IFT140: variants seen among roughly 807,000 people sequenced by gnomAD.
The protein encoded by IFT140 is intraflagellar transport 140.
IFT140 carries 133 observed loss-of-function variants against 164.6 expected under a neutral mutation model. The observed-to-expected ratio is 0.81, with a 90% confidence interval of 0.70 to 0.93. The LOEUF is 0.93. Ranked by LOEUF, IFT140 falls within the 40% of genes least tolerant of loss-of-function variation. The pLI, the probability that IFT140 is intolerant of heterozygous loss-of-function variation, is 0.00. For missense variants in IFT140, 2,045 were observed against 1,972.3 expected, an observed-to-expected ratio of 1.04 and a Z score of -0.70; for synonymous variants, 860 against 817.3, an observed-to-expected ratio of 1.05 and a Z score of -0.89.
At chr16:1,602,715 G>A in intron 3 of IFT140, 124 bp from the exon 4 acceptor site, 2 of 838,878 alleles carry the variant, frequency 2.4e-6, no homozygotes, top group Non-Finnish European at 3.8e-6. Context: ...GCTGAGGTGG[G>A]TGGATCACAA....
At chr16:1,558,254 A>G in intron 18 of IFT140, 120 bp from the exon 19 acceptor site, 1 of 972,884 alleles carries the variant, frequency 1.0e-6, no homozygotes, top group Non-Finnish European at 1.6e-6. Flanking sequence ...AGACAGACAG[A>G]TATTTACCAA....
chr16:1,592,620 GGT>G, intron 4 of IFT140, 32 bp from the exon 5 acceptor site: 1 of 1,596,500 alleles, frequency 6.3e-7, no homozygotes, highest in Non-Finnish European at 8.5e-7. Context: ...TGTTAGGACA[GGT>G]GTCCCGGCAG....
At chr16:1,576,697 T>C (rs1310679257) in intron 13 of IFT140, 2 of 152,052 alleles carry the variant, frequency 1.3e-5, no homozygotes, top group African/African-American at 2.4e-5. Context: ...TTAACAGGTA[T>C]GTCGCGTATG....
chr16:1,584,197 C>A lies in IFT140; in HGVS notation c.1359+20G>T, dbSNP rs374488263. 2.5e-6 allele frequency: 4 copies of A among 1,606,418 alleles called. No individual in the cohort carries two copies. The highest frequency in any genetic ancestry group is 3.4e-6 in the Non-Finnish European group (4 of 1,176,254). Reference sequence around the variant, plus strand: ...AGTTCTTCTGTCTGTGTCCCACCCACGGGTCCCCTCGGCAGTCACCTTGGT... The same window carrying A: ...AGTTCTTCTGTCTGTGTCCCACCCAAGGGTCCCCTCGGCAGTCACCTTGGT... On this transcript the variant is annotated intron_variant, in intron 11 of 30. Coordinates refer to ENST00000426508, the MANE Select transcript of IFT140 (RefSeq NM_014714.4).
chr16:1,553,948 T>A lies in IFT140; in HGVS notation c.2399+3987A>T. 2.3e-6 allele frequency: 3 copies of A among 1,286,480 alleles called. No homozygotes were observed. Among genetic ancestry groups the A allele is most frequent in the Non-Finnish European group, 3.0e-6 (3 of 988,236 alleles). 79.7% of individuals were successfully genotyped at this position (1,286,480 alleles called of 1,614,324 possible). ...AGCTCCTCAAAGATAAAACTGTAAG[T>A]GAAACTGTAGCATCAGCGACTAACT... On this transcript the variant is annotated intron_variant, in intron 19 of 30. Coordinates refer to ENST00000426508, the MANE Select transcript of IFT140 (RefSeq NM_014714.4). This position sits in a 1 kb window ranked among gnomAD's most constrained non-coding sequence, Gnocchi z 4.4.
At chr16:1,524,277 G>A (rs1033055748) in intron 24 of IFT140, 5 of 606,154 alleles carry the variant, frequency 8.2e-6, no homozygotes, top group Non-Finnish European at 1.4e-5. Flanking sequence ...CCGTCTGCAA[G>A]GCCATAGGCC....
chr16:1,513,092 C>T (rs2040220369), intron 30 of IFT140: 1 of 152,214 alleles, frequency 6.6e-6, no homozygotes, highest in East Asian at 1.9e-4. Context: ...TCTAATAGGG[C>T]AACACAACTG....
chr16:1,601,878 C>T (rs2035811929), intron 4 of IFT140, among the ~76,000 whole-genome samples: 1 of 152,228 alleles, frequency 6.6e-6, no homozygotes, highest in African/African-American at 2.4e-5. Flanking sequence ...TGTAACATTT[C>T]TGCCATATAT....
intron 19 of IFT140, among the ~76,000 whole-genome samples, chr16:1,537,997 A>T (rs778662643): frequency 6.6e-6 from 1 of 152,218 alleles, no homozygotes; most frequent in Admixed American, 6.5e-5. Flanking sequence ...GACACCTTTA[A>T]AAGTCAGCTG....
chr16:1,513,955 G>A (rs1049353810), intron 30 of IFT140, among the ~76,000 whole-genome samples: 1 of 151,486 alleles, frequency 6.6e-6, no homozygotes, highest in Non-Finnish European at 1.5e-5. Context: ...TTACAGGCGT[G>A]AGCCACTGCA....
intron 20 of IFT140, 144 bp from the exon 21 acceptor site, chr16:1,526,221 C>T (rs571460450): frequency 2.6e-5 from 20 of 766,402 alleles, no homozygotes; most frequent in East Asian, 5.5e-5. Context: ...GCACAGCAAA[C>T]GCCACACACC....
At chr16:1,558,691 T>C (rs2033238966) in intron 18 of IFT140, among the ~76,000 whole-genome samples, 2 of 152,230 alleles carry the variant, frequency 1.3e-5, no homozygotes, top group Non-Finnish European at 2.9e-5. Flanking sequence ...TCTTTAATCA[T>C]GGGTCCCTTC....
chr16:1,520,959 C>G (rs936968304), intron 26 of IFT140, 151 bp from the exon 27 acceptor site: 1 of 625,594 alleles, frequency 1.6e-6, no homozygotes, highest in Admixed American at 2.9e-5. Flanking sequence ...ACAAGGATGT[C>G]TCCCCTGCCT....
intron 19 of IFT140, chr16:1,554,669 G>A: frequency 1.4e-6 from 2 of 1,456,078 alleles, no homozygotes; most frequent in Non-Finnish European, 1.9e-6. Flanking sequence ...CTAGGACAGA[G>A]GGCTGGGGAA....
chr16:1,552,572 C>G (rs569560157), intron 19 of IFT140, among the ~76,000 whole-genome samples: 1 of 151,976 alleles, frequency 6.6e-6, no homozygotes, highest in East Asian at 1.9e-4. Context: ...ACCACACAAT[C>G]GTGAGCAGAG....
At chr16:1,592,856 C>A (rs572153591) in intron 4 of IFT140, among the ~76,000 whole-genome samples, 2 of 137,982 alleles carry the variant, frequency 1.4e-5, no homozygotes, top group Admixed American at 7.4e-5. Context: ...GAGTCACTGG[C>A]GGAGGGACAG....
rs573510122 is a variant in IFT140, at chr16:1,583,635, A to G, written c.1360-249T>C. ...TTTCTTTTTTTTTTAGGTTTGGGGAATGGCAAAGAAAGTATCCCTCTCTTT... is the reference window on the plus strand; with the variant it reads ...TTTCTTTTTTTTTTAGGTTTGGGGAGTGGCAAAGAAAGTATCCCTCTCTTT... On this transcript the variant is annotated intron_variant, in intron 11 of 30. Coordinates refer to ENST00000426508, the MANE Select transcript of IFT140 (RefSeq NM_014714.4). 2.8e-4 allele frequency among the ~76,000 whole-genome samples: 42 copies of G among 151,244 alleles called. No homozygotes were observed. In the South Asian group the frequency reaches 6.7e-3, roughly 24 times the overall value.
intron 19 of IFT140, among the ~76,000 whole-genome samples, chr16:1,527,932 C>T (rs1189830440): frequency 6.6e-6 from 1 of 152,190 alleles, no homozygotes; most frequent in African/African-American, 2.4e-5. Context: ...CCAGGCAGGA[C>T]CAGAAATGAC....
chr16:1,534,700 G>C, intron 19 of IFT140: 2 of 1,217,712 alleles, frequency 1.6e-6, no homozygotes, highest in Non-Finnish European at 2.3e-6. Context: ...GCAGGAGGGG[G>C]CACTGTGTCT....
Sources: gnomAD v4.1 joint callset for allele counts (sites outside exome capture counted in the v4.1 genomes callset) on GRCh38, gnomAD v4.1.1 for gene constraint, Gnocchi (gnomAD v3.1) non-coding constraint, MANE v1.5 for transcripts, NCBI Gene and HGNC (gene_info 2026-07-23, HGNC 2026-07-21) for gene names.